The following HGH1 variants were observed in gnomAD, a reference collection of about 807,000 sequenced individuals.
The protein encoded by HGH1 is co-chaperone protein HGH1 homolog.
Under a neutral mutation model 31.7 loss-of-function variants are expected in HGH1, and 31 were observed. The observed-to-expected ratio is 0.98, with a 90% CI of 0.73 to 1.32. The LOEUF (loss-of-function observed/expected upper bound fraction) is 1.32, where lower values mean the gene tolerates loss of function less well. Ranked by LOEUF, HGH1 falls within the 40% of genes most tolerant of loss-of-function variation. The probability of loss-of-function intolerance (pLI) is 0.00; values close to 1 mark genes in which losing one functional copy is unlikely to be tolerated. For synonymous variants in HGH1, 284 were observed against 293.6 expected, an observed-to-expected ratio of 0.97 and a Z score of 0.34; for missense variants, 618 against 594.4, an observed-to-expected ratio of 1.04 and a Z score of -0.41.
At position 144,139,826 on chromosome 8, in the gene HGH1, G is replaced by C; in HGVS notation, c.*274G>C. On this transcript the variant is annotated 3_prime_UTR_variant, in exon 6 of 6. Coordinates refer to ENST00000347708, the MANE Select transcript of HGH1 (RefSeq NM_016458.4). ...TGTGCAGAAGGTGGAGGTGGCAGGC[G>C]GATGGCCAGGGAGCCATGAGAAGAC... The C allele has an allele frequency of 1.7e-6, 1 of 582,576 alleles. No individual in the cohort carries two copies. The highest frequency in any genetic ancestry group is 3.0e-6 in the Non-Finnish European group (1 of 329,638). The allele number at this position is 582,576 out of a possible 1,614,324, so 36.1% of individuals were successfully genotyped here.
In HGH1 at chr8:144,139,850, A is replaced by C; in HGVS notation, c.*298A>C. The C allele has an allele frequency of 1.8e-6, 1 of 545,094 alleles. No individual in the cohort carries two copies. The highest frequency in any genetic ancestry group is 3.2e-6 in the Non-Finnish European group (1 of 308,496). 33.8% of individuals were successfully genotyped at this position (545,094 alleles called of 1,614,324 possible). On this transcript the variant is annotated 3_prime_UTR_variant, in exon 6 of 6. Transcript: ENST00000347708. ...CGGATGGCCAGGGAGCCATGAGAAG[A>C]CTCTTCCTGGGCACGGCGTGGGGAC...
At position 144,139,460 on chromosome 8, in the gene HGH1, C is replaced by T. The variant is rs1815155908; in HGVS notation, c.1081C>T (p.Gln361Ter). ...GGTGCAGGTGCCTGAGGATGTGGAG[C>T]AGCAGCTGCAGCAGCTGGATTGCAG... is the stretch of plus-strand genomic sequence containing the variant. ...LEVQVPEDVE[Q>*]QLQQLDCREQ... is the part of the protein sequence containing the mutation. The change falls in exon 6 of 6, where the codon CAG becomes TAG. Residue 361 changes from glutamine (Q) to a stop codon, truncating the protein, a stop_gained. Coordinates refer to ENST00000347708, the MANE Select transcript of HGH1 (RefSeq NM_016458.4). LOFTEE classifies it low-confidence loss of function (END_TRUNC). 2.5e-6 allele frequency: 4 copies of T among 1,582,188 alleles called. No individual in the cohort carries two copies. The highest frequency in any genetic ancestry group is 3.4e-6 in the Non-Finnish European group (4 of 1,163,952).
Position 144,138,619 on chromosome 8 carries a change from G to A in HGH1, c.694+12G>A, listed in dbSNP as rs1451296125. The A allele has an allele frequency of 6.2e-7, 1 of 1,609,830 alleles. No individual in the cohort carries two copies. Among genetic ancestry groups the A allele is most frequent in the East Asian group, 2.2e-5 (1 of 44,766 alleles). On this transcript the variant is annotated intron_variant, in intron 2 of 5. Coordinates refer to ENST00000347708, the MANE Select transcript of HGH1 (RefSeq NM_016458.4). ...CTGCTTCGAGCACCGTGAGTGGTGGGTGTGGCGGGGGTGCGTTGCCAGGTG... is the reference window on the plus strand; with the variant it reads ...CTGCTTCGAGCACCGTGAGTGGTGGATGTGGCGGGGGTGCGTTGCCAGGTG...
chr8:144,139,099 T>C lies in HGH1; in HGVS notation c.884T>C (p.Leu295Pro). ...AAGATGCTTGTTGAAGCCATCATGCTGGTGAGCAGGAGCCCTGCTGCAATA... is the reference window on the plus strand; with the variant it reads ...AAGATGCTTGTTGAAGCCATCATGCCGGTGAGCAGGAGCCCTGCTGCAATA... ...IRKMLVEAIM[L>P]LTATAPGRQQ... The change falls in exon 4 of 6, where the codon CTG becomes CCG. Residue 295 changes from leucine to proline, a missense_variant and splice_region_variant. Transcript: ENST00000347708. 2 of 1,613,980 alleles carry C rather than the reference T, an allele frequency of 1.2e-6. No homozygotes were observed. Among genetic ancestry groups the C allele is most frequent in the Non-Finnish European group, 1.7e-6 (2 of 1,179,862 alleles).
rs1815114190 is a variant in HGH1, at chr8:144,137,820, CAG to C, written c.-13_-12del. On this transcript the variant is annotated 5_prime_UTR_variant, in exon 1 of 6. Transcript: ENST00000347708. ...ACCGCTGGCACCGGTCGGGTGGCAG[CAG>C]AGTGTCGCTCGACATGGGGGAGGCC... 1.6e-6 allele frequency: 2 copies of C among 1,251,488 alleles called. No homozygotes were observed. 77.5% of individuals were successfully genotyped at this position (1,251,488 alleles called of 1,614,324 possible). A position where few individuals can be genotyped will look rare whatever the true frequency, so the allele number is the denominator to read the frequency against.
In HGH1 at chr8:144,139,698, G is replaced by A; in HGVS notation, c.*146G>A. On this transcript the variant is annotated 3_prime_UTR_variant, in exon 6 of 6. Coordinates refer to ENST00000347708, the MANE Select transcript of HGH1 (RefSeq NM_016458.4). ...GAAGCAGAGCTACGCTTAGGCTCCA[G>A]TAAGGATTGGAGGCACTTTCCAGCC... The A allele has an allele frequency of 8.2e-7, 1 of 1,221,610 alleles. No homozygotes were observed. The highest frequency in any genetic ancestry group is 2.4e-5 in the Admixed American group (1 of 42,404). The allele number at this position is 1,221,610 out of a possible 1,614,324, so 75.7% of individuals were successfully genotyped here.
chr8:144,140,073 T>A lies in HGH1; in HGVS notation c.*521T>A, dbSNP rs1229299420. The A allele has an allele frequency of 5.0e-6, 1 of 200,976 alleles. No individual in the cohort carries two copies. The highest frequency in any genetic ancestry group is 2.3e-5 in the African/African-American group (1 of 42,554). 12.4% of individuals were successfully genotyped at this position (200,976 alleles called of 1,614,324 possible). A position where few individuals can be genotyped will look rare whatever the true frequency, so the allele number is the denominator to read the frequency against. ...CAGCCATACGTAGATCCTGGGGTCT[T>A]TCTAGGACTGTGCCTCCCTGCTTGA... On this transcript the variant is annotated 3_prime_UTR_variant, in exon 6 of 6. Transcript: ENST00000347708.
At position 144,139,630 on chromosome 8, in the gene HGH1, C is replaced by T; in HGVS notation, c.*78C>T. The T allele has an allele frequency of 6.5e-7, 1 of 1,536,556 alleles. No homozygotes were observed. Among genetic ancestry groups the T allele is most frequent in the Non-Finnish European group, 8.8e-7 (1 of 1,140,060 alleles). ...GACCAGGCCTTCCTGCAGCTGTCTG[C>T]AGGCCCCCTGGGTCCCCTTGTTCAG... On this transcript the variant is annotated 3_prime_UTR_variant, in exon 6 of 6. Coordinates refer to ENST00000347708, the MANE Select transcript of HGH1 (RefSeq NM_016458.4).
In HGH1 at chr8:144,137,942, A is replaced by T; in HGVS notation, c.107A>T (p.Asp36Val). Residue 36 changes from aspartate (D) to valine (V), a missense_variant, in exon 1 of 6, where the codon GAC (aspartate) becomes GTC (valine). By Grantham distance (152) the Asp-to-Val change is radical. Transcript: ENST00000347708. ...LPFLAPGARA[D>V]LQAAAVRHVL... ...TTCCTGGCGCCGGGCGCGCGGGCGG[A>T]CCTGCAGGCGGCGGCGGTGCGGCAC... 1 of 1,330,774 alleles carries T rather than the reference A, an allele frequency of 7.5e-7. No homozygotes were observed. The highest frequency in any genetic ancestry group is 9.6e-7 in the Non-Finnish European group (1 of 1,043,312). 82.4% of individuals were successfully genotyped at this position (1,330,774 alleles called of 1,614,324 possible).
Position 144,138,561 on chromosome 8 carries a change from C to T in HGH1, c.648C>T (p.Arg216=). Residue 216 remains arginine (R), a synonymous_variant, in exon 2 of 6, where the codon CGC becomes CGT. Transcript: ENST00000347708. ...PLTQYPDSSV[R]RGGVVGTLRN... The stretch of plus-strand genomic sequence containing the variant: ...CCCAGTACCCCGACTCCTCTGTACG[C>T]AGGGGCGGGGTGGTGGGGACGCTGC... 6.2e-7 allele frequency: 1 copy of T among 1,612,856 alleles called. No individual in the cohort carries two copies. The highest frequency in any genetic ancestry group is 8.5e-7 in the Non-Finnish European group (1 of 1,179,548).
Position 144,139,082 on chromosome 8 carries a change from T to C in HGH1, c.867T>C (p.Leu289=). The C allele has an allele frequency of 6.2e-7, 1 of 1,613,968 alleles. No individual in the cohort carries two copies. The highest frequency in any genetic ancestry group is 1.7e-5 in the Admixed American group (1 of 60,012). The change falls in exon 4 of 6, where the codon CTT becomes CTC. Residue 289 remains leucine (L), a synonymous_variant. Coordinates refer to ENST00000347708, the MANE Select transcript of HGH1 (RefSeq NM_016458.4). Reference sequence around the variant, plus strand: ...CTGATGCAGACATCCGCAAGATGCTTGTTGAAGCCATCATGCTGGTGAGCA... The same window carrying C: ...CTGATGCAGACATCCGCAAGATGCTCGTTGAAGCCATCATGCTGGTGAGCA... ...REPDADIRKM[L]VEAIMLLTAT...
chr8:144,139,135 C>G, intron 4 of HGH1, 35 bp downstream of exon 4: 5 of 1,614,002 alleles, frequency 3.1e-6, no homozygotes, highest in Non-Finnish European at 4.2e-6. Context: ...AGCACCACCC[C>G]AACACACACA....
Position 144,138,572 on chromosome 8 carries a change from T to C in HGH1, c.659T>C (p.Val220Ala). 6.2e-7 allele frequency: 1 copy of C among 1,610,348 alleles called. No homozygotes were observed. The highest frequency in any genetic ancestry group is 1.1e-5 in the South Asian group (1 of 90,598). ...YPDSSVRRGG[V>A]VGTLRNCCFE... is the part of the protein sequence containing the mutation. ...GACTCCTCTGTACGCAGGGGCGGGG[T>C]GGTGGGGACGCTGCGGAATTGCTGC... The change falls in exon 2 of 6, where the codon GTG becomes GCG. Residue 220 changes from valine to alanine, a missense_variant. Transcript: ENST00000347708.
Position 144,138,742 on chromosome 8 carries a change from A to G in HGH1, c.722A>G (p.Glu241Gly). The G allele has an allele frequency of 6.2e-7, 1 of 1,613,816 alleles. No homozygotes were observed. The highest frequency in any genetic ancestry group is 8.5e-7 in the Non-Finnish European group (1 of 1,179,830). The change falls in exon 3 of 6, where the codon GAG (glutamate) becomes GGG (glycine). Residue 241 changes from glutamate to glycine, a missense_variant. Glu to Gly is a moderately conservative substitution (Grantham distance 98). Coordinates refer to ENST00000347708, the MANE Select transcript of HGH1 (RefSeq NM_016458.4). The part of the protein sequence containing the change: ...HRHHEWLLGP[E>G]VDILPFLLLP... ...CATCACGAGTGGTTGCTTGGACCTG[A>G]GGTGGACATTCTCCCCTTTTTGCTC...
At position 144,138,344 on chromosome 8, in the gene HGH1, G is replaced by A; in HGVS notation, c.509G>A (p.Arg170His). 6.4e-7 allele frequency: 1 copy of A among 1,555,332 alleles called. No homozygotes were observed. Among genetic ancestry groups the A allele is most frequent in the South Asian group, 1.2e-5 (1 of 85,890 alleles). Reference protein sequence around the residue: ...RALCTPGYNARAPLHYLAPLL... With the variant: ...RALCTPGYNAHAPLHYLAPLL... ...CTGTGCACGCCCGGCTACAACGCCC[G>A]CGCGCCCCTGCACTACCTAGCGCCG... The change falls in exon 1 of 6, where the codon CGC (arginine) becomes CAC (histidine). Residue 170 changes from arginine (R) to histidine (H), a missense_variant. Arg to His is a conservative substitution (Grantham distance 29). Coordinates refer to ENST00000347708, the MANE Select transcript of HGH1 (RefSeq NM_016458.4).
rs1039635497 is a variant in HGH1 at position 144,139,080 on chromosome 8, C to G, written c.865C>G (p.Leu289Val). Reference sequence around the variant, plus strand: ...ACCTGATGCAGACATCCGCAAGATGCTTGTTGAAGCCATCATGCTGGTGAG... The same window carrying G: ...ACCTGATGCAGACATCCGCAAGATGGTTGTTGAAGCCATCATGCTGGTGAG... ...REPDADIRKM[L>V]VEAIMLLTAT... Residue 289 changes from leucine to valine, a missense_variant, in exon 4 of 6, where the codon CTT becomes GTT. By Grantham distance (32) the Leu-to-Val change is conservative. Coordinates refer to ENST00000347708, the MANE Select transcript of HGH1 (RefSeq NM_016458.4). 1.2e-6 allele frequency: 2 copies of G among 1,614,012 alleles called. No homozygotes were observed. Among genetic ancestry groups the G allele is most frequent in the East Asian group, 4.5e-5 (2 of 44,886 alleles).
Position 144,138,398 on chromosome 8 carries a change from C to A in HGH1, c.563C>A (p.Ala188Glu), listed in dbSNP as rs1815127742. 1 of 1,587,228 alleles carries A rather than the reference C, an allele frequency of 6.3e-7. No homozygotes were observed. The highest frequency in any genetic ancestry group is 1.3e-5 in the African/African-American group (1 of 74,590). The change falls in exon 1 of 6, where the codon GCG (alanine) becomes GAG (glutamate). Residue 188 changes from alanine to glutamate, a missense_variant. Ala to Glu is a moderately radical substitution (Grantham distance 107). Coordinates refer to ENST00000347708, the MANE Select transcript of HGH1 (RefSeq NM_016458.4). ...PLLSNLSQRPAARAFLLDPDR... is the reference protein window; with the variant it reads ...PLLSNLSQRPEARAFLLDPDR... ...CTCTCCAACCTCAGCCAACGCCCTG[C>A]GGCGCGGGCCTTCCTACTGGACCCC...
rs1017735686 is a variant in HGH1 at position 144,138,810 on chromosome 8, G to C, written c.790G>C (p.Glu264Gln). 85,740 of 1,613,912 alleles carry C rather than the reference G, an allele frequency of 0.053. 3,335 individuals carry two copies. The highest frequency in any genetic ancestry group is 0.15 in the South Asian group (13,485 of 91,060). Residue 264 changes from glutamate to glutamine, a missense_variant, in exon 3 of 6, where the codon GAA becomes CAA. Transcript: ENST00000347708. ...GPEDFSEEEMERLPVDLQYLP... is the reference protein window; with the variant it reads ...GPEDFSEEEMQRLPVDLQYLP... ...TGAGGATTTCTCCGAGGAAGAGATG[G>C]AACGTGAGTGGCTAGTGTGGAGCCT...
chr8:144,139,010 G>C lies in HGH1; in HGVS notation c.795G>C (p.Arg265=). ...PEDFSEEEME[R]LPVDLQYLPP... Reference sequence around the variant, plus strand: ...TGGCTCCCACACACTCACCCCTAGGGCTGCCTGTCGACTTGCAGTACCTGC... The same window carrying C: ...TGGCTCCCACACACTCACCCCTAGGCCTGCCTGTCGACTTGCAGTACCTGC... Residue 265 remains arginine (R), a splice_region_variant and synonymous_variant, in exon 4 of 6, where the codon CGG becomes CGC. Coordinates refer to ENST00000347708, the MANE Select transcript of HGH1 (RefSeq NM_016458.4). The C allele has an allele frequency of 1.2e-6, 2 of 1,613,530 alleles. No homozygotes were observed. Among genetic ancestry groups the C allele is most frequent in the Non-Finnish European group, 1.7e-6 (2 of 1,179,686 alleles).
Sources: gnomAD v4.1 joint callset for allele counts on GRCh38, gnomAD v4.1.1 for gene constraint, MANE v1.5 for transcripts, NCBI Gene and HGNC (gene_info 2026-07-23, HGNC 2026-07-21) for gene names.